UTP6: variants seen among roughly 807,000 people sequenced by gnomAD.
UTP6 encodes UTP6 small subunit processome component.
A neutral mutation model predicts 96.5 loss-of-function variants in UTP6; 60 were observed. The ratio of observed to expected loss-of-function variants is 0.62; its 90% CI spans 0.51 to 0.77. The LOEUF (loss-of-function observed/expected upper bound fraction) is 0.77, where lower values mean the gene tolerates loss of function less well. UTP6 is among the 30% of genes least tolerant of loss of function. UTP6 has a pLI of 0.00. For missense variants in UTP6, 637 were observed against 706.5 expected, an observed-to-expected ratio of 0.90 and a Z score of 1.12; for synonymous variants, 215 against 240.1, an observed-to-expected ratio of 0.90 and a Z score of 0.96.
At position 31,886,073 on chromosome 17, in the gene UTP6, T is replaced by C; in HGVS notation, c.622-12A>G. On this transcript the variant is annotated splice_polypyrimidine_tract_variant and intron_variant, in intron 8 of 18. Coordinates refer to ENST00000261708, the MANE Select transcript of UTP6 (RefSeq NM_018428.3). ...TAATCAGGATTCTCCTAAAGAGTGTTATATCAAACGTAACTTAACAGGTAG... is the reference window on the plus strand; with the variant it reads ...TAATCAGGATTCTCCTAAAGAGTGTCATATCAAACGTAACTTAACAGGTAG... The C allele has an allele frequency of 6.2e-7, 1 of 1,609,000 alleles. No individual in the cohort carries two copies. The highest frequency in any genetic ancestry group is 1.1e-5 in the South Asian group (1 of 89,868).
intron 16 of UTP6, among the ~76,000 whole-genome samples, chr17:31,868,697 A>G (rs1325852314): frequency 6.6e-6 from 1 of 152,154 alleles, no homozygotes. Flanking sequence ...TACATGTCAA[A>G]GTCTTTTGGG....
intron 6 of UTP6, among the ~76,000 whole-genome samples, chr17:31,889,995 T>G (rs1375553909): frequency 2.6e-5 from 4 of 152,116 alleles, no homozygotes; most frequent in African/African-American, 7.2e-5. Context: ...TCTAAGGACA[T>G]TATTGTAAGT....
intron 16 of UTP6, among the ~76,000 whole-genome samples, chr17:31,870,288 C>A (rs1910077895): frequency 6.6e-6 from 1 of 152,074 alleles, no homozygotes; most frequent in Non-Finnish European, 1.5e-5. Context: ...ACATTCCCAC[C>A]AACAGTATAT....
At chr17:31,866,395 C>T (rs1598092395) in intron 17 of UTP6, among the ~76,000 whole-genome samples, 1 of 151,370 alleles carries the variant, frequency 6.6e-6, no homozygotes, top group South Asian at 2.1e-4. Context: ...GGAGTTGAGA[C>T]CAGCCTGGCC....
chr17:31,865,335 C>T, intron 18 of UTP6, 31 bp downstream of exon 18: 1 of 1,605,254 alleles, frequency 6.2e-7, no homozygotes, highest in Non-Finnish European at 8.5e-7. Context: ...TCTAACCATA[C>T]TAATTGGTCA....
Position 31,863,245 on chromosome 17 carries a change from C to G in UTP6, c.*114G>C. On this transcript the variant is annotated 3_prime_UTR_variant, in exon 19 of 19. Coordinates refer to ENST00000261708, the MANE Select transcript of UTP6 (RefSeq NM_018428.3). ...ATAAAATTAAAGTGTGTCTCAAAAC[C>G]AGACAGCCATCTTGTCTGCCATCAC... 9.1e-7 allele frequency: 1 copy of G among 1,100,668 alleles called. No homozygotes were observed. Among genetic ancestry groups the G allele is most frequent in the Non-Finnish European group, 1.3e-6 (1 of 762,830 alleles). The allele number at this position is 1,100,668 out of a possible 1,614,324, so 68.2% of individuals were successfully genotyped here.
At chr17:31,864,224 A>C (rs1909690626) in intron 18 of UTP6, among the ~76,000 whole-genome samples, 1 of 152,200 alleles carries the variant, frequency 6.6e-6, no homozygotes, top group East Asian at 2.0e-4. Flanking sequence ...ATCTCGACTG[A>C]AAATACAAAA....
chr17:31,893,114 T>C (rs1409585472), intron 4 of UTP6, among the ~76,000 whole-genome samples: 1 of 151,700 alleles, frequency 6.6e-6, no homozygotes, highest in African/African-American at 2.4e-5. Flanking sequence ...CTACTAAAAA[T>C]ACAAAAAAAT....
chr17:31,895,409 A>G (rs1184520776), intron 2 of UTP6, among the ~76,000 whole-genome samples: 1 of 152,218 alleles, frequency 6.6e-6, no homozygotes, highest in Non-Finnish European at 1.5e-5. Flanking sequence ...CCCTCTCCAG[A>G]GGCAGCAATT....
At chr17:31,878,475 C>T in intron 12 of UTP6, 148 bp from the exon 13 acceptor site, 1 of 839,744 alleles carries the variant, frequency 1.2e-6, no homozygotes, top group Non-Finnish European at 1.9e-6. Flanking sequence ...TGAATAGATG[C>T]AATGGGCAGC....
intron 3 of UTP6, 22 bp from the exon 4 acceptor site, chr17:31,894,759 C>G: frequency 6.3e-7 from 1 of 1,583,216 alleles, no homozygotes; most frequent in South Asian, 1.1e-5. Flanking sequence ...CATAAAAAAA[C>G]AGAGCCTCAA....
Position 31,875,305 on chromosome 17 carries a change from C to T in UTP6, c.1234G>A (p.Val412Met). Residue 412 changes from valine to methionine, a missense_variant, in exon 14 of 19, where the codon GTG (valine) becomes ATG (methionine). By Grantham distance (21) the Val-to-Met change is conservative. Coordinates refer to ENST00000261708, the MANE Select transcript of UTP6 (RefSeq NM_018428.3). Reference protein sequence around the residue: ...SGTMWQLKLQVLIESKSPDIA... With the variant: ...SGTMWQLKLQMLIESKSPDIA... ...TCAGGGCTCTTTGACTCGATCAGCA[C>T]CTGCAGCTTCAGCTGCCACATTGTC... 1.2e-6 allele frequency: 2 copies of T among 1,614,194 alleles called. No homozygotes were observed. Among genetic ancestry groups the T allele is most frequent in the South Asian group, 1.1e-5 (1 of 91,088 alleles).
chr17:31,870,491 G>T (rs1056377183), intron 16 of UTP6, among the ~76,000 whole-genome samples: 4 of 145,528 alleles, frequency 2.7e-5, no homozygotes, highest in East Asian at 2.0e-4. Flanking sequence ...TGGGTTTTTT[G>T]TTTTTGTTGT....
chr17:31,864,666 A>G (rs957835467), intron 18 of UTP6, among the ~76,000 whole-genome samples: 1 of 152,200 alleles, frequency 6.6e-6, no homozygotes, highest in African/African-American at 2.4e-5. Context: ...TGTATTGCCC[A>G]GGCTGGAGTA....
rs200732643 is a variant in UTP6, at chr17:31,889,319, C to T, written c.509G>A (p.Arg170His). ...AAGTTTTGGGCACTCTGGATGAAAGCGCAGTGCGCGAAGAAATAGTTGCCT... is the reference window on the plus strand; with the variant it reads ...AAGTTTTGGGCACTCTGGATGAAAGTGCAGTGCGCGAAGAAATAGTTGCCT... ...SARQLFLRAL[R>H]FHPECPKLYK... is the part of the protein sequence containing the mutation. Residue 170 changes from arginine (R) to histidine (H), a missense_variant, in exon 7 of 19, where the codon CGC (arginine) becomes CAC (histidine). Physicochemically the swap from Arg to His is conservative, Grantham distance 29 (BLOSUM62 0). Coordinates refer to ENST00000261708, the MANE Select transcript of UTP6 (RefSeq NM_018428.3). The T allele has an allele frequency of 6.6e-5, 106 of 1,613,646 alleles. No individual in the cohort carries two copies. Among genetic ancestry groups the T allele is most frequent in the Admixed American group, 1.2e-4 (7 of 59,946 alleles).
At chr17:31,885,605 T>C (rs962418724) in intron 9 of UTP6, among the ~76,000 whole-genome samples, 5 of 151,826 alleles carry the variant, frequency 3.3e-5, no homozygotes, top group South Asian at 2.1e-4. Context: ...CTAGCCAACA[T>C]AGTGAAACTA....
Position 31,869,293 on chromosome 17 carries a change from A to G in UTP6, c.1497-1181T>C, listed in dbSNP as rs527274952. ...AAGCAATACTTCCACCTCAGCCTCC[A>G]GAATAGCTGAGACCATAGGTGCAAA... On this transcript the variant is annotated intron_variant, in intron 16 of 18. Transcript: ENST00000261708. 2.0e-5 allele frequency among the ~76,000 whole-genome samples: 3 copies of G among 148,902 alleles called. No individual in the cohort carries two copies. The South Asian group carries it at 6.4e-4, about 32-fold the overall frequency.
intron 2 of UTP6, 30 bp downstream of exon 2, chr17:31,899,616 A>C (rs546870970): frequency 1.3e-6 from 2 of 1,537,322 alleles, no homozygotes; most frequent in Non-Finnish European, 1.8e-6. Context: ...AAAAAGAAAA[A>C]AAGAAAGAAA....
At chr17:31,884,282 G>C in intron 10 of UTP6, 142 bp downstream of exon 10, 1 of 624,370 alleles carries the variant, frequency 1.6e-6, no homozygotes, top group Non-Finnish European at 2.6e-6. Context: ...ACAGGTGTGA[G>C]CCACTGCACC....
Sources: allele counts gnomAD v4.1 joint callset (sites outside exome capture counted in the v4.1 genomes callset), GRCh38; gene constraint gnomAD v4.1.1; transcripts MANE v1.5; gene names NCBI Gene and HGNC (gene_info 2026-07-23, HGNC 2026-07-21).